Variants in RPH3AL observed in about 807,000 individuals in gnomAD.
The protein encoded by RPH3AL is rabphilin 3A like (without C2 domains).
A neutral mutation model predicts 43.1 loss-of-function variants in RPH3AL; 38 were observed. The observed-to-expected ratio is 0.88, with a 90% CI of 0.68 to 1.15. The LOEUF is 1.15. Among genes scored for constraint, RPH3AL ranks in the 50% most tolerant of loss-of-function variants. The pLI, the probability that RPH3AL is intolerant of heterozygous loss-of-function variation, is 0.00. For missense variants in RPH3AL, 462 were observed against 423.2 expected, an observed-to-expected ratio of 1.09 and a Z score of -0.81; for synonymous variants, 189 against 176.3, an observed-to-expected ratio of 1.07 and a Z score of -0.57.
intron 5 of RPH3AL, among the ~76,000 whole-genome samples, chr17:312,512 C>T (rs139694093): frequency 1.3e-4 from 20 of 152,272 alleles, no homozygotes; most frequent in Non-Finnish European, 1.9e-4. Context: ...TTTATTAGGG[C>T]GGTCTGAGCT....
At chr17:321,555 C>A in intron 3 of RPH3AL, 140 bp from the exon 4 acceptor site, 1 of 783,958 alleles carries the variant, frequency 1.3e-6, no homozygotes, top group East Asian at 3.4e-5. Context: ...GCGCGGGCAG[C>A]AGAGATGGCC....
intron 1 of RPH3AL, among the ~76,000 whole-genome samples, chr17:347,375 C>G (rs565681110): frequency 1.6e-4 from 24 of 152,178 alleles, no homozygotes; most frequent in African/African-American, 5.8e-4. Flanking sequence ...CACTGCAAAA[C>G]AGTACAGCCA....
intron 4 of RPH3AL, among the ~76,000 whole-genome samples, chr17:320,661 A>G (rs2044443890): frequency 6.6e-6 from 1 of 152,208 alleles, no homozygotes; most frequent in African/African-American, 2.4e-5. Flanking sequence ...AAGAAAAGGA[A>G]AAGAAAGATC....
At chr17:253,120 G>A (rs7221298) in intron 6 of RPH3AL, among the ~76,000 whole-genome samples, 19,054 of 152,192 alleles carry the variant, frequency 0.13, 1,339 homozygotes, top group Non-Finnish European at 0.15. Context: ...AGGGAACCAC[G>A]GTGGGCTTGG....
chr17:338,683 A>T (rs192628250), intron 1 of RPH3AL: 1 of 152,308 alleles, frequency 6.6e-6, no homozygotes, highest in East Asian at 1.9e-4. Context: ...TAATGCAGAA[A>T]CGCAGGCCTG....
In RPH3AL at chr17:290,904, T is replaced by C. The variant is rs1378859208; in HGVS notation, c.352-9050A>G. Among the ~76,000 whole-genome samples, 1 of 152,124 alleles carries C rather than the reference T, an allele frequency of 6.6e-6. No homozygotes were observed. Among genetic ancestry groups the C allele is most frequent in the Admixed American group, 6.5e-5 (1 of 15,278 alleles). On this transcript the variant is annotated intron_variant, in intron 5 of 9. Coordinates refer to ENST00000331302, the MANE Select transcript of RPH3AL (RefSeq NM_006987.4). This position sits in a 1 kb window ranked among gnomAD's most constrained non-coding sequence, Gnocchi z 4.2. ...TCACCATCCATGGCACAGAGAGGGCTGTTCATGAGCCTCACTCGACCGAAA... is the reference window on the plus strand; with the variant it reads ...TCACCATCCATGGCACAGAGAGGGCCGTTCATGAGCCTCACTCGACCGAAA...
chr17:313,605 G>A (rs756975709), intron 5 of RPH3AL, among the ~76,000 whole-genome samples: 26 of 152,262 alleles, frequency 1.7e-4, no homozygotes, highest in African/African-American at 4.3e-4. Context: ...GGTGCTCTGC[G>A]TTAATTCAAC....
chr17:226,719 C>T (rs12939784), intron 7 of RPH3AL, among the ~76,000 whole-genome samples: 17,905 of 152,234 alleles, frequency 0.12, 1,406 homozygotes, highest in Non-Finnish European at 0.18. Context: ...CACCGTAAAA[C>T]TCAAACTTCG....
At chr17:273,006 CGAGG>C (rs2042532957) in intron 6 of RPH3AL, among the ~76,000 whole-genome samples, 13 of 116,712 alleles carry the variant, frequency 1.1e-4, no homozygotes, top group African/African-American at 3.7e-4. Flanking sequence ...GAGACCCCAG[CGAGG>C]GCGACATCAG....
intron 1 of RPH3AL, among the ~76,000 whole-genome samples, chr17:350,142 A>G (rs1371982814): frequency 6.6e-6 from 1 of 152,200 alleles, no homozygotes; most frequent in Admixed American, 6.5e-5. Context: ...CAGAGGTAAT[A>G]AGTAATGCAT....
At chr17:268,567 T>G (rs546359607) in intron 6 of RPH3AL, among the ~76,000 whole-genome samples, 93 of 136,530 alleles carry the variant, frequency 6.8e-4, no homozygotes, top group African/African-American at 2.5e-3. Flanking sequence ...TTTTTTTTTT[T>G]TTTTTTTTTT....
chr17:332,748 G>A (rs2044818249), intron 2 of RPH3AL: 2 of 291,832 alleles, frequency 6.9e-6, no homozygotes, highest in Non-Finnish European at 1.4e-5. Context: ...GGCTGAGCTC[G>A]CTCCTTGCTG....
chr17:307,418 ATCCTCCCCACGGCAGG>A (rs979097635), intron 5 of RPH3AL, among the ~76,000 whole-genome samples: 3 of 137,482 alleles, frequency 2.2e-5, no homozygotes, highest in Non-Finnish European at 3.2e-5. Flanking sequence ...CCCACGGCAG[ATCCTCCCCACGGCAGG>A]TCCTCCCCAC....
intron 5 of RPH3AL, among the ~76,000 whole-genome samples, chr17:299,094 G>A (rs540970518): frequency 4.6e-5 from 7 of 152,206 alleles, no homozygotes; most frequent in East Asian, 1.9e-4. Flanking sequence ...TGACCTAATC[G>A]GAGCTGCACT....
In RPH3AL at chr17:264,466, G is replaced by A. The variant is rs1277455006; in HGVS notation, c.439-17181C>T. 7.3e-5 allele frequency among the ~76,000 whole-genome samples: 10 copies of A among 136,418 alleles called. No individual in the cohort carries two copies. Among genetic ancestry groups the A allele is most frequent in the South Asian group, 5.2e-4 (2 of 3,836 alleles). 89.5% of individuals were successfully genotyped at this position (136,418 alleles called of 152,430 possible). A position where few individuals can be genotyped will look rare whatever the true frequency, so the allele number is the denominator to read the frequency against. On this transcript the variant is annotated intron_variant, in intron 6 of 9. Coordinates refer to ENST00000331302, the MANE Select transcript of RPH3AL (RefSeq NM_006987.4). The surrounding 1 kb of genome is among the most constrained non-coding windows in gnomAD (Gnocchi z 4.8). ...GACAGCAGGATTACCCTTCGGAGCC[G>A]CGAGCGCTGGATGGGGACTCAGAAT...
rs1252447544 is a variant in RPH3AL at position 322,979 on chromosome 17, G to A, written c.78-1564C>T. Among the ~76,000 whole-genome samples the A allele has an allele frequency of 1.3e-5, 2 of 152,134 alleles. No individual in the cohort carries two copies. Among genetic ancestry groups the A allele is most frequent in the African/African-American group, 4.8e-5 (2 of 41,414 alleles). ...GGTTTTCTGATCTGTCTCTTTAAGG[G>A]ATGCCATGAGAATTAATGAGGCAGG... On this transcript the variant is annotated intron_variant, in intron 3 of 9. Coordinates refer to ENST00000331302, the MANE Select transcript of RPH3AL (RefSeq NM_006987.4). The surrounding 1 kb of genome is among the most constrained non-coding windows in gnomAD (Gnocchi z 4.0).
At chr17:342,299 A>C (rs756567433) in intron 1 of RPH3AL, among the ~76,000 whole-genome samples, 2 of 152,244 alleles carry the variant, frequency 1.3e-5, no homozygotes, top group African/African-American at 2.4e-5. Context: ...AAGACAGTTT[A>C]GTTCCTCAAC....
At chr17:316,675 C>A (rs905682828) in intron 5 of RPH3AL, among the ~76,000 whole-genome samples, 1 of 118,398 alleles carries the variant, frequency 8.4e-6, no homozygotes, top group Admixed American at 8.6e-5. Flanking sequence ...CTCCATTGAC[C>A]TGCAGTCCCT....
At chr17:247,767 C>G (rs1044552953) in intron 6 of RPH3AL, 1 of 155,032 alleles carries the variant, frequency 6.5e-6, no homozygotes, top group South Asian at 2.0e-4. Flanking sequence ...ATCCACCACT[C>G]GGATCCTAGA....
Sources: gnomAD v4.1 joint callset for allele counts (sites outside exome capture counted in the v4.1 genomes callset) on GRCh38, gnomAD v4.1.1 for gene constraint, Gnocchi (gnomAD v3.1) non-coding constraint, MANE v1.5 for transcripts, NCBI Gene and HGNC (gene_info 2026-07-23, HGNC 2026-07-21) for gene names.